FRMD4A: variants seen among roughly 807,000 people sequenced by gnomAD.
The protein encoded by FRMD4A is FERM domain containing 4A.
In FRMD4A, 29 loss-of-function variants were observed where a neutral mutation model predicts 129.1. The observed-to-expected ratio is 0.22, with a 90% CI of 0.17 to 0.31. The LOEUF (loss-of-function observed/expected upper bound fraction) is 0.31. Ranked by LOEUF, FRMD4A falls within the 10% of genes least tolerant of loss-of-function variation. The pLI is 1.00. For missense variants in FRMD4A, 1,272 were observed against 1,375.8 expected, an observed-to-expected ratio of 0.92 and a Z score of 1.19; for synonymous variants, 634 against 571.6, an observed-to-expected ratio of 1.11 and a Z score of -1.56.
At chr10:14,297,004 G>A (rs917445196) in intron 2 of FRMD4A, among the ~76,000 whole-genome samples, 2 of 152,170 alleles carry the variant, frequency 1.3e-5, no homozygotes, top group South Asian at 4.1e-4. Context: ...TCGTAGTGCT[G>A]CCCATGTCAG....
In FRMD4A at chr10:13,703,870, T is replaced by G. The variant is rs147282045; in HGVS notation, c.837-2392A>C. Among the ~76,000 whole-genome samples, 1,230 of 152,278 alleles carry G rather than the reference T, an allele frequency of 8.1e-3. 10 individuals are homozygous for G. The highest frequency in any genetic ancestry group is 0.026 in the African/African-American group (1,092 of 41,538). ...AAATAAAAAAATTAGCTGGGTGTAG[T>G]GGCGCACGCCTGTAGTCCCAGCTAC... On this transcript the variant is annotated intron_variant, in intron 13 of 24. Coordinates refer to ENST00000357447, the MANE Select transcript of FRMD4A (RefSeq NM_018027.5).
chr10:14,119,052 G>A (rs35541294), intron 2 of FRMD4A, among the ~76,000 whole-genome samples: 2 of 152,142 alleles, frequency 1.3e-5, no homozygotes, highest in Non-Finnish European at 2.9e-5. Context: ...GGAGGTCTTA[G>A]TTTCCAACTG....
rs187458727 is a variant in FRMD4A, at chr10:13,964,250, A to G, written c.46-105338T>C. Among the ~76,000 whole-genome samples, 644 of 152,262 alleles carry G rather than the reference A, an allele frequency of 4.2e-3. 3 individuals are homozygous for G. Among genetic ancestry groups the G allele is most frequent in the Middle Eastern group, 0.01 (3 of 294 alleles). On this transcript the variant is annotated intron_variant, in intron 2 of 24. Coordinates refer to ENST00000357447, the MANE Select transcript of FRMD4A (RefSeq NM_018027.5). ...AAAACATCAAACAAACAAACAAACA[A>G]AAACCAAACCAAACACAATCCCCCT...
At chr10:13,860,523 A>G (rs1317576085) in intron 2 of FRMD4A, among the ~76,000 whole-genome samples, 1 of 152,170 alleles carries the variant, frequency 6.6e-6, no homozygotes, top group Non-Finnish European at 1.5e-5. Context: ...AGAGAACTCA[A>G]TGCCTATTTT....
intron 2 of FRMD4A, among the ~76,000 whole-genome samples, chr10:13,953,170 G>T (rs1322840748): frequency 6.6e-6 from 1 of 152,140 alleles, no homozygotes; most frequent in Non-Finnish European, 1.5e-5. Flanking sequence ...TTCCTCCCAG[G>T]CTCTTCCATA....
intron 4 of FRMD4A, among the ~76,000 whole-genome samples, chr10:13,797,306 A>C (rs575019632): frequency 3.2e-4 from 48 of 152,328 alleles, no homozygotes; most frequent in African/African-American, 1.2e-3. Flanking sequence ...ATCTTGCTGG[A>C]GTGAAAAGCA....
chr10:14,097,844 C>A (rs1007578919), intron 2 of FRMD4A, among the ~76,000 whole-genome samples: 46 of 148,252 alleles, frequency 3.1e-4, no homozygotes, highest in African/African-American at 1.1e-3. Flanking sequence ...ACTTCTTGAA[C>A]ACGTATATGT....
intron 2 of FRMD4A, among the ~76,000 whole-genome samples, chr10:13,903,837 C>T (rs1179372221): frequency 6.6e-6 from 1 of 152,026 alleles, no homozygotes; most frequent in African/African-American, 2.4e-5. Context: ...GAGATAGGAC[C>T]ATGCCACTAC....
chr10:13,764,716 T>C (rs2092216064), intron 6 of FRMD4A, among the ~76,000 whole-genome samples: 1 of 152,174 alleles, frequency 6.6e-6, no homozygotes, highest in African/African-American at 2.4e-5. Flanking sequence ...CTATGTCTGG[T>C]GTCAAGCTTA....
intron 2 of FRMD4A, among the ~76,000 whole-genome samples, chr10:13,971,276 C>A (rs183647526): frequency 6.6e-6 from 1 of 152,320 alleles, no homozygotes; most frequent in East Asian, 1.9e-4. Context: ...CATCCTTTGT[C>A]TTTGCAGCCA....
intron 2 of FRMD4A, among the ~76,000 whole-genome samples, chr10:14,107,764 C>A (rs1837662440): frequency 6.6e-6 from 1 of 152,164 alleles, no homozygotes; most frequent in African/African-American, 2.4e-5. Flanking sequence ...TATGGTTGTA[C>A]ATAGAAGAGT....
chr10:14,274,672 A>G (rs1007995020), intron 2 of FRMD4A, among the ~76,000 whole-genome samples: 4 of 152,308 alleles, frequency 2.6e-5, no homozygotes, highest in African/African-American at 7.2e-5. Context: ...GAGAATTGGA[A>G]AAATGAAGGG....
intron 12 of FRMD4A, among the ~76,000 whole-genome samples, chr10:13,717,745 TC>T (rs1461063336): frequency 1.3e-5 from 2 of 150,170 alleles, no homozygotes; most frequent in African/African-American, 4.9e-5. Flanking sequence ...AGTTGGCATT[TC>T]TCTTATGCCT....
At chr10:14,098,216 C>T (rs981928184) in intron 2 of FRMD4A, among the ~76,000 whole-genome samples, 6 of 149,808 alleles carry the variant, frequency 4.0e-5, no homozygotes, top group Non-Finnish European at 5.9e-5. Context: ...ATTGTGGCAG[C>T]CTTCAAACTG....
At chr10:14,197,660 C>T (rs1424360155) in intron 2 of FRMD4A, among the ~76,000 whole-genome samples, 1 of 152,196 alleles carries the variant, frequency 6.6e-6, no homozygotes, top group East Asian at 1.9e-4. Context: ...CGTGCCTGGC[C>T]AGGATCACTC....
At chr10:14,242,763 C>T (rs573767390) in intron 2 of FRMD4A, among the ~76,000 whole-genome samples, 2 of 152,278 alleles carry the variant, frequency 1.3e-5, no homozygotes, top group African/African-American at 4.8e-5. Context: ...GACAGGGAGT[C>T]AGAAGTCAAA....
At chr10:13,695,285 T>C (rs1459291452) in intron 14 of FRMD4A, among the ~76,000 whole-genome samples, 1 of 151,956 alleles carries the variant, frequency 6.6e-6, no homozygotes, top group Non-Finnish European at 1.5e-5. Context: ...GGATTACAGG[T>C]GTCCACCACC....
At chr10:13,706,647 C>A (rs909506701) in intron 13 of FRMD4A, among the ~76,000 whole-genome samples, 1 of 152,072 alleles carries the variant, frequency 6.6e-6, no homozygotes, top group Admixed American at 6.6e-5. Flanking sequence ...TCTTCAGACT[C>A]TTCTATAGCA....
chr10:13,742,799 G>C (rs1229991983), intron 9 of FRMD4A, among the ~76,000 whole-genome samples: 1 of 152,018 alleles, frequency 6.6e-6, no homozygotes, highest in Non-Finnish European at 1.5e-5. Flanking sequence ...TTACAGGTGT[G>C]AGTCACTATA....
Sources: gnomAD v4.1 joint callset for allele counts (sites outside exome capture counted in the v4.1 genomes callset) on GRCh38, gnomAD v4.1.1 for gene constraint, MANE v1.5 for transcripts, NCBI Gene and HGNC (gene_info 2026-07-23, HGNC 2026-07-21) for gene names.